Variants in HNF1A observed in about 807,000 individuals in gnomAD.
The protein encoded by HNF1A is HNF1 homeobox A, also known as hepatocyte nuclear factor 1-alpha.
In HNF1A, 21 loss-of-function variants were observed where a neutral mutation model predicts 62.2. The ratio of observed to expected loss-of-function variants is 0.34; its 90% CI spans 0.24 to 0.49. The LOEUF (loss-of-function observed/expected upper bound fraction) is 0.49, where lower values mean the gene tolerates loss of function less well. Among genes scored for constraint, HNF1A ranks in the 20% least tolerant of loss-of-function variants. The pLI, the probability that HNF1A is intolerant of heterozygous loss-of-function variation, is 0.99. For synonymous variants in HNF1A, 374 were observed against 366.8 expected (o/e 1.02, Z -0.22); for missense variants, 687 against 832.3 (o/e 0.83, Z 2.15).
intron 1 of HNF1A, among the ~76,000 whole-genome samples, chr12:120,982,919 G>A (rs551851504): frequency 9.2e-5 from 14 of 152,210 alleles, no homozygotes; most frequent in Admixed American, 5.9e-4. Context: ...TACAAAATGC[G>A]CTAAGCTCAT....
At chr12:120,990,020 G>T (rs1876731245) in intron 2 of HNF1A, among the ~76,000 whole-genome samples, 1 of 152,020 alleles carries the variant, frequency 6.6e-6, no homozygotes, top group South Asian at 2.1e-4. Context: ...GGAATGGTGG[G>T]TTTTCTTCTC....
chr12:121,001,057 C>T lies in HNF1A; in HGVS notation c.1769-8C>T, dbSNP rs1877437819. 5.0e-6 allele frequency: 8 copies of T among 1,613,040 alleles called. No individual in the cohort carries two copies. The highest frequency in any genetic ancestry group is 5.9e-6 in the Non-Finnish European group (7 of 1,179,798). On this transcript the variant is annotated splice_region_variant and splice_polypyrimidine_tract_variant and intron_variant, in intron 9 of 9. Coordinates refer to ENST00000257555, the MANE Select transcript of HNF1A (RefSeq NM_000545.8). ...GTGGGTGGCTAGCAGCCTTGTTTGC[C>T]TCTGCAGTGTCCTCCAGCAGCCTGG... is the stretch of plus-strand genomic sequence containing the variant.
intron 4 of HNF1A, among the ~76,000 whole-genome samples, chr12:120,995,588 T>TTCACTCCACTCCAACCCAC (rs1217070863): frequency 2.0e-5 from 3 of 151,494 alleles, no homozygotes; most frequent in South Asian, 2.1e-4. Context: ...GTCTACTCCA[T>TTCACTCCACTCCAACCCAC]TCACTCCACT....
chr12:120,985,747 G>A (rs1337406570), intron 1 of HNF1A, among the ~76,000 whole-genome samples: 1 of 151,666 alleles, frequency 6.6e-6, no homozygotes, highest in Non-Finnish European at 1.5e-5. Flanking sequence ...CACTTTGGGA[G>A]GCCAAGGCAG....
At chr12:120,984,264 A>G (rs1176184252) in intron 1 of HNF1A, among the ~76,000 whole-genome samples, 1 of 152,018 alleles carries the variant, frequency 6.6e-6, no homozygotes, top group Admixed American at 6.6e-5. Flanking sequence ...AGGGTTGCAC[A>G]TGTATTTGTG....
chr12:120,985,525 A>C (rs2135827824), intron 1 of HNF1A, among the ~76,000 whole-genome samples: 1 of 150,666 alleles, frequency 6.6e-6, no homozygotes, highest in African/African-American at 2.4e-5. Flanking sequence ...TACAAAAATT[A>C]GCTGGGCATG....
At chr12:120,999,037 C>T (rs1403350635) in intron 7 of HNF1A, among the ~76,000 whole-genome samples, 1 of 152,208 alleles carries the variant, frequency 6.6e-6, no homozygotes, top group Non-Finnish European at 1.5e-5. Flanking sequence ...TGGTTTCTGG[C>T]CTCCTCCAGG....
chr12:120,983,655 C>T (rs1256225946), intron 1 of HNF1A, among the ~76,000 whole-genome samples: 1 of 151,810 alleles, frequency 6.6e-6, no homozygotes, highest in Non-Finnish European at 1.5e-5. Flanking sequence ...AAGTGATCCT[C>T]CTGCCTCAGC....
chr12:120,996,705 T>C lies in HNF1A; in HGVS notation c.1272T>C (p.Pro424=), dbSNP rs141324437. 23 of 1,614,090 alleles carry C rather than the reference T, an allele frequency of 1.4e-5. No individual in the cohort carries two copies. The African/African-American group carries it at 2.7e-4, about 19-fold the overall frequency. The part of the protein sequence containing the change: ...IGPGEPASLG[P]TFTNTGASTL... The stretch of plus-strand genomic sequence containing the variant: ...CTGGTGAGCCTGCCTCCCTGGGTCC[T>C]ACGTTCACCAACACAGGTGCCTCCA... Residue 424 remains proline, a synonymous_variant, in exon 6 of 10, where the codon CCT becomes CCC. Coordinates refer to ENST00000257555, the MANE Select transcript of HNF1A (RefSeq NM_000545.8). This position sits in a 1 kb window ranked among gnomAD's most constrained non-coding sequence, Gnocchi z 4.5.
chr12:120,989,139 G>A, intron 2 of HNF1A, 107 bp downstream of exon 2: 1 of 1,088,860 alleles, frequency 9.2e-7, no homozygotes, highest in Non-Finnish European at 1.4e-6. Flanking sequence ...CAGACAGGTA[G>A]ATGGAAAGGA....
At chr12:120,986,213 A>G (rs1876504018) in intron 1 of HNF1A, among the ~76,000 whole-genome samples, 1 of 152,098 alleles carries the variant, frequency 6.6e-6, no homozygotes, top group Non-Finnish European at 1.5e-5. Context: ...CAAATTATTC[A>G]TAAGTAGCAG....
chr12:120,999,208 C>T, intron 7 of HNF1A, 60 bp from the exon 8 acceptor site: 1 of 1,600,474 alleles, frequency 6.2e-7, no homozygotes, highest in Non-Finnish European at 8.6e-7. Context: ...AGTCTTGAGG[C>T]CTGGGACTAG....
chr12:121,001,446 G>A lies in HNF1A; in HGVS notation c.*254G>A. 2 of 541,490 alleles carry A rather than the reference G, an allele frequency of 3.7e-6. No homozygotes were observed. Among genetic ancestry groups the A allele is most frequent in the Non-Finnish European group, 6.7e-6 (2 of 298,724 alleles). 33.5% of individuals were successfully genotyped at this position (541,490 alleles called of 1,614,324 possible). Reference sequence around the variant, plus strand: ...CAAAGCCTGTTCATGGCAGATGTAGGAGGGACTGTCGCTGCTTCGTGGGAT... The same window carrying A: ...CAAAGCCTGTTCATGGCAGATGTAGAAGGGACTGTCGCTGCTTCGTGGGAT... On this transcript the variant is annotated 3_prime_UTR_variant, in exon 10 of 10. Transcript: ENST00000257555.
chr12:120,998,072 G>T (rs1877209493), intron 7 of HNF1A: 3 of 430,428 alleles, frequency 7.0e-6, no homozygotes, highest in Non-Finnish European at 8.6e-6. Context: ...TTGAGGTCAG[G>T]AGTTCAAGAC....
intron 1 of HNF1A, 122 bp downstream of exon 1, chr12:120,979,216 A>C: frequency 1.1e-6 from 1 of 931,306 alleles, no homozygotes; most frequent in East Asian, 2.6e-5. Context: ...AGTTGCTGGG[A>C]AGGGGGACAG....
Position 121,000,891 on chromosome 12 carries a change from T to C in HNF1A, c.1769-174T>C, listed in dbSNP as rs1592900288. 14 of 797,126 alleles carry C rather than the reference T, an allele frequency of 1.8e-5. No homozygotes were observed. In the East Asian group the frequency reaches 3.8e-4, roughly 21 times the overall value. 49.4% of individuals were successfully genotyped at this position (797,126 alleles called of 1,614,324 possible). On this transcript the variant is annotated intron_variant, in intron 9 of 9. Transcript: ENST00000257555. Reference sequence around the variant, plus strand: ...TCCATGGGCGGCCGTGGACCCTGGCTGGGAGGCTCCCTTTGAAGAACCGAG... The same window carrying C: ...TCCATGGGCGGCCGTGGACCCTGGCCGGGAGGCTCCCTTTGAAGAACCGAG...
chr12:120,980,032 C>T (rs1374036675), intron 1 of HNF1A, among the ~76,000 whole-genome samples: 2 of 152,100 alleles, frequency 1.3e-5, no homozygotes, highest in African/African-American at 4.8e-5. Context: ...GCTCCCTGAC[C>T]TCCACCCTAC....
chr12:120,999,675 C>T, intron 9 of HNF1A, 48 bp downstream of exon 9: 2 of 1,579,552 alleles, frequency 1.3e-6, no homozygotes, highest in Non-Finnish European at 1.7e-6. Context: ...CTGCCCCCTT[C>T]CATGTTGGTC....
At position 120,993,800 on chromosome 12, in the gene HNF1A, C is replaced by A. The variant is rs111928332; in HGVS notation, c.713+94C>A. 7.6e-6 allele frequency: 10 copies of A among 1,321,854 alleles called. No homozygotes were observed. In the African/African-American group the frequency reaches 1.2e-4, roughly 15 times the overall value. 81.9% of individuals were successfully genotyped at this position (1,321,854 alleles called of 1,614,324 possible). A position where few individuals can be genotyped will look rare whatever the true frequency, so the allele number is the denominator to read the frequency against. On this transcript the variant is annotated intron_variant, in intron 3 of 9. Transcript: ENST00000257555. ...GACTCTAGGTCCTGTAAAAGGCTGT[C>A]CAGTTGCCGAGAACTCCTGATATTG...
Sources: allele counts gnomAD v4.1 joint callset (sites outside exome capture counted in the v4.1 genomes callset), GRCh38; gene constraint gnomAD v4.1.1; non-coding constraint Gnocchi (gnomAD v3.1); transcripts MANE v1.5; gene names NCBI Gene and HGNC (gene_info 2026-07-23, HGNC 2026-07-21).